OPRM1: variants seen among roughly 807,000 people sequenced by gnomAD.
OPRM1 encodes opioid receptor mu 1, also known as mu-type opioid receptor.
OPRM1 carries 27 observed loss-of-function variants against 31.8 expected under a neutral mutation model. The ratio of observed to expected loss-of-function variants is 0.85; its 90% confidence interval spans 0.63 to 1.17. The LOEUF is 1.17. Ranked by LOEUF, OPRM1 falls within the 50% of genes most tolerant of loss-of-function variation. The probability of loss-of-function intolerance (pLI) is 0.00; values close to 1 mark genes in which losing one functional copy is unlikely to be tolerated. For synonymous variants in OPRM1, 196 were observed against 189.9 expected, an observed-to-expected ratio of 1.03 and a Z score of -0.26; for missense variants, 536 against 511.1, an observed-to-expected ratio of 1.05 and a Z score of -0.47.
intron 3 of OPRM1, among the ~76,000 whole-genome samples, chr6:154,106,876 T>C (rs1439054851): frequency 6.6e-6 from 1 of 152,246 alleles, no homozygotes. Context: ...ATATCTGACC[T>C]TAATTTAGAC....
intron 1 of OPRM1, among the ~76,000 whole-genome samples, chr6:154,032,291 T>G (rs1779053005): frequency 6.6e-6 from 1 of 152,196 alleles, no homozygotes; most frequent in Non-Finnish European, 1.5e-5. Context: ...CATAAAAGTC[T>G]TATAAAGTAA....
At chr6:154,108,333 G>A (rs762235689) in intron 3 of OPRM1, 6 of 239,546 alleles carry the variant, frequency 2.5e-5, no homozygotes, top group Non-Finnish European at 3.9e-5. Flanking sequence ...GGGCAAAACA[G>A]TTGCCCTGAG....
At chr6:154,101,710 A>AT (rs1035309398) in intron 3 of OPRM1, among the ~76,000 whole-genome samples, 7 of 152,148 alleles carry the variant, frequency 4.6e-5, no homozygotes, top group South Asian at 2.1e-4. Flanking sequence ...CCAGAAATGT[A>AT]TTTTTTTATT....
chr6:154,075,323 T>C (rs1290726648), intron 1 of OPRM1, among the ~76,000 whole-genome samples: 3 of 152,176 alleles, frequency 2.0e-5, no homozygotes, highest in Non-Finnish European at 4.4e-5. Context: ...TTGAAAATGA[T>C]ACGGTGAGCA....
chr6:154,206,562 A>G (rs1777511925), intron 3 of OPRM1, among the ~76,000 whole-genome samples: 1 of 152,064 alleles, frequency 6.6e-6, no homozygotes, highest in Non-Finnish European at 1.5e-5. Context: ...AATAAACCAG[A>G]TACACAAAAT....
At chr6:154,047,852 C>T (rs1317859017) in intron 1 of OPRM1, among the ~76,000 whole-genome samples, 1 of 152,168 alleles carries the variant, frequency 6.6e-6, no homozygotes, top group African/African-American at 2.4e-5. Context: ...GAAATTTACT[C>T]TTACAGTGCT....
intron 3 of OPRM1, chr6:154,199,828 G>C (rs777570232): frequency 1.2e-6 from 2 of 1,614,186 alleles, no homozygotes; most frequent in South Asian, 2.2e-5. Flanking sequence ...CTGCCTCTGA[G>C]GGTACAGGTG....
intron 3 of OPRM1, among the ~76,000 whole-genome samples, chr6:154,096,340 G>A (rs560321933): frequency 6.2e-4 from 95 of 152,250 alleles, no homozygotes; most frequent in Non-Finnish European, 9.6e-4. Context: ...GATTCCAGAC[G>A]TGAGCCCCTG....
chr6:154,017,047 CA>C (rs1778044955), intron 1 of OPRM1, among the ~76,000 whole-genome samples: 1 of 152,150 alleles, frequency 6.6e-6, no homozygotes, highest in Non-Finnish European at 1.5e-5. Flanking sequence ...ATTGAGCTAT[CA>C]AGCTGATTTT....
chr6:154,179,601 C>T (rs1004817725), intron 3 of OPRM1, among the ~76,000 whole-genome samples: 1 of 152,178 alleles, frequency 6.6e-6, no homozygotes, highest in African/African-American at 2.4e-5. Flanking sequence ...TTTTAGTCTT[C>T]CTACATAAAA....
intron 3 of OPRM1, chr6:154,093,644 A>G: frequency 9.7e-7 from 1 of 1,027,794 alleles, no homozygotes; most frequent in Non-Finnish European, 1.3e-6. Flanking sequence ...TCTATGAAGC[A>G]GTATCAGTGT....
intron 3 of OPRM1, among the ~76,000 whole-genome samples, chr6:154,194,828 G>A (rs1479726204): frequency 6.6e-6 from 1 of 152,138 alleles, no homozygotes; most frequent in East Asian, 1.9e-4. Flanking sequence ...GAGAAAGCAG[G>A]TGGTGAATCA....
chr6:154,190,522 G>A (rs1801779696), intron 3 of OPRM1, among the ~76,000 whole-genome samples: 1 of 152,196 alleles, frequency 6.6e-6, no homozygotes, highest in Non-Finnish European at 1.5e-5. Context: ...ACGTTGGCAA[G>A]GATGTGAAGC....
rs1260131147 is a variant in OPRM1, at chr6:154,086,635, A to G, written c.291-3191A>G. ...GATTTTTTTTAATTAAAATAAACAT[A>G]CATTGGAAATACTTAGTGCTAAAAT... is the stretch of plus-strand genomic sequence containing the variant. On this transcript the variant is annotated intron_variant, in intron 1 of 3. Coordinates refer to ENST00000330432, the MANE Select transcript of OPRM1 (RefSeq NM_000914.5). 1.0e-6 allele frequency: 1 copy of G among 983,746 alleles called. No individual in the cohort carries two copies. The highest frequency in any genetic ancestry group is 1.2e-6 in the Non-Finnish European group (1 of 828,496). 60.9% of individuals were successfully genotyped at this position (983,746 alleles called of 1,614,324 possible). A position where few individuals can be genotyped will look rare whatever the true frequency, so the allele number is the denominator to read the frequency against.
chr6:154,193,358 G>A (rs543049708), intron 3 of OPRM1, among the ~76,000 whole-genome samples: 1 of 152,248 alleles, frequency 6.6e-6, no homozygotes, highest in Non-Finnish European at 1.5e-5. Context: ...TGGGGACTCG[G>A]GGGAAAGGAT....
chr6:154,170,160 G>A (rs12210351), intron 3 of OPRM1, among the ~76,000 whole-genome samples: 2,314 of 152,268 alleles, frequency 0.015, 24 homozygotes, highest in Middle Eastern at 0.041. Context: ...TTCTCACTAA[G>A]AACGTTAGTC....
intron 3 of OPRM1, among the ~76,000 whole-genome samples, chr6:154,094,896 C>T (rs1477863726): frequency 1.3e-5 from 2 of 152,162 alleles, no homozygotes; most frequent in African/African-American, 4.8e-5. Context: ...GCTAACAATC[C>T]GTAGTAAGGA....
chr6:154,152,757 T>C (rs1254620175), intron 3 of OPRM1, among the ~76,000 whole-genome samples: 1 of 152,180 alleles, frequency 6.6e-6, no homozygotes, highest in African/African-American at 2.4e-5. Flanking sequence ...TGAGACCAGG[T>C]CTTGTTCTGT....
chr6:154,091,388 T>C lies in OPRM1; in HGVS notation c.1080T>C (p.Ile360=), dbSNP rs200638619. The change falls in exon 3 of 4, where the codon ATT becomes ATC. Residue 360 remains isoleucine (I), a synonymous_variant. Transcript: ENST00000330432. ...TCTGTATCCCAACCTCTTCCAACATTGAGCAACAAAACTCCACTCGAATTC... is the reference window on the plus strand; with the variant it reads ...TCTGTATCCCAACCTCTTCCAACATCGAGCAACAAAACTCCACTCGAATTC... ...REFCIPTSSN[I]EQQNSTRIRQ... 1.1e-5 allele frequency: 17 copies of C among 1,614,116 alleles called. No homozygotes were observed. The East Asian group carries it at 3.8e-4, about 36-fold the overall frequency.
Sources: allele counts gnomAD v4.1 joint callset (sites outside exome capture counted in the v4.1 genomes callset), GRCh38; gene constraint gnomAD v4.1.1; transcripts MANE v1.5; gene names NCBI Gene and HGNC (gene_info 2026-07-23, HGNC 2026-07-21).